Variants in SF3B1 observed in about 807,000 individuals in gnomAD.
The protein encoded by SF3B1 is pre-mRNA processing 10.
SF3B1 carries 12 observed loss-of-function variants against 153.8 expected under a neutral mutation model. The ratio of observed to expected loss-of-function variants is 0.08; its 90% CI spans 0.05 to 0.13. The LOEUF is 0.13. SF3B1 is among the 10% of genes least tolerant of loss of function. The pLI is 1.00. For missense variants in SF3B1, 513 were observed against 1,606.1 expected (o/e 0.32, Z 11.63); for synonymous variants, 498 against 525.2 (o/e 0.95, Z 0.71).
At chr2:197,428,683 C>G (rs1331428341) in intron 1 of SF3B1, among the ~76,000 whole-genome samples, 1 of 152,148 alleles carries the variant, frequency 6.6e-6, no homozygotes, top group Non-Finnish European at 1.5e-5. Flanking sequence ...CACTTGAGAT[C>G]AGGAGTTCAA....
chr2:197,394,472 T>C (rs1420568843), intron 23 of SF3B1, among the ~76,000 whole-genome samples: 4 of 152,222 alleles, frequency 2.6e-5, no homozygotes, highest in East Asian at 1.9e-4. Flanking sequence ...AATAATTTTT[T>C]CAAACCTACA....
At chr2:197,396,504 T>C (rs1295623370) in intron 22 of SF3B1, among the ~76,000 whole-genome samples, 176 bp from the exon 23 acceptor site, 3 of 152,234 alleles carry the variant, frequency 2.0e-5, no homozygotes, top group Admixed American at 1.3e-4. Flanking sequence ...AAAAATTTCA[T>C]ATAAATTAAA....
At chr2:197,405,009 A>G (rs746055563) in intron 11 of SF3B1, 67 bp downstream of exon 11, 1 of 1,161,498 alleles carries the variant, frequency 8.6e-7, no homozygotes. Flanking sequence ...TCTCTACAAA[A>G]ACTACAAATT....
intron 1 of SF3B1, among the ~76,000 whole-genome samples, chr2:197,430,582 C>T (rs1240292685): frequency 6.6e-6 from 1 of 152,150 alleles, no homozygotes; most frequent in African/African-American, 2.4e-5. Context: ...GGCTCCCAAG[C>T]AGGTGGGATT....
chr2:197,411,082 C>T (rs899896932), intron 6 of SF3B1, among the ~76,000 whole-genome samples: 1 of 152,140 alleles, frequency 6.6e-6, no homozygotes, highest in Non-Finnish European at 1.5e-5. Context: ...AGACTACATA[C>T]AGGCGCACAC....
intron 4 of SF3B1, chr2:197,419,650 G>A (rs1257809151): frequency 4.5e-6 from 1 of 223,352 alleles, no homozygotes; most frequent in Non-Finnish European, 8.9e-6. Flanking sequence ...ACTGCTGTAG[G>A]AAAGAAATTA....
chr2:197,406,188 G>A (rs1054308113), intron 9 of SF3B1, among the ~76,000 whole-genome samples: 1 of 149,250 alleles, frequency 6.7e-6, no homozygotes, highest in Non-Finnish European at 1.5e-5. Flanking sequence ...AGGAACGCTT[G>A]AGCCCAGGAG....
intron 23 of SF3B1, among the ~76,000 whole-genome samples, chr2:197,393,752 T>C (rs1286873842): frequency 6.6e-6 from 1 of 152,070 alleles, no homozygotes; most frequent in Non-Finnish European, 1.5e-5. Flanking sequence ...TGCCTGGCCA[T>C]CTAATTAACT....
intron 22 of SF3B1, among the ~76,000 whole-genome samples, chr2:197,397,023 A>C (rs183820503): frequency 2.4e-4 from 37 of 152,266 alleles, no homozygotes; most frequent in South Asian, 8.3e-4. Context: ...ACATTTTCTT[A>C]AGCCACATGG....
At position 197,401,645 on chromosome 2, in the gene SF3B1, A is replaced by T. The variant is rs928633102; in HGVS notation, c.2370+97T>A. 1 of 1,476,388 alleles carries T rather than the reference A, an allele frequency of 6.8e-7. No individual in the cohort carries two copies. The highest frequency in any genetic ancestry group is 9.3e-7 in the Non-Finnish European group (1 of 1,078,358). 91.5% of individuals were successfully genotyped at this position (1,476,388 alleles called of 1,614,324 possible). A position where few individuals can be genotyped will look rare whatever the true frequency, so the allele number is the denominator to read the frequency against. ...AAACAAATCAAACAGTATTCGTGTA[A>T]CATACAGTTTTTTTTGTTGATTTTT... is the stretch of plus-strand genomic sequence containing the variant. On this transcript the variant is annotated intron_variant, in intron 16 of 24. Coordinates refer to ENST00000335508, the MANE Select transcript of SF3B1 (RefSeq NM_012433.4). This position sits in a 1 kb window ranked among gnomAD's most constrained non-coding sequence, Gnocchi z 4.2.
chr2:197,406,118 A>G (rs954372906), intron 9 of SF3B1, among the ~76,000 whole-genome samples: 3 of 149,128 alleles, frequency 2.0e-5, no homozygotes, highest in Non-Finnish European at 3.0e-5. Context: ...ACAGACTTCA[A>G]AAAAAAAAAA....
At chr2:197,418,932 T>G (rs1446450964) in intron 4 of SF3B1, 1 of 1,601,600 alleles carries the variant, frequency 6.2e-7, no homozygotes, top group Admixed American at 1.7e-5. Context: ...AGTTCTGACT[T>G]CAAGCAGCAG....
chr2:197,412,296 G>A (rs1290659819), intron 6 of SF3B1, among the ~76,000 whole-genome samples: 1 of 151,768 alleles, frequency 6.6e-6, no homozygotes, highest in Non-Finnish European at 1.5e-5. Context: ...GGGTACAGTT[G>A]TATTAAATGA....
intron 1 of SF3B1, among the ~76,000 whole-genome samples, chr2:197,426,456 C>A (rs1444911232): frequency 9.9e-5 from 15 of 152,086 alleles, no homozygotes; most frequent in Admixed American, 9.8e-4. Flanking sequence ...CCACCACGCC[C>A]AGCTTCAGGC....
At chr2:197,428,115 G>T (rs903243036) in intron 1 of SF3B1, among the ~76,000 whole-genome samples, 1 of 151,982 alleles carries the variant, frequency 6.6e-6, no homozygotes, top group Non-Finnish European at 1.5e-5. Flanking sequence ...CAAGTTCAAG[G>T]CCAGCCTAAG....
At chr2:197,426,078 C>T (rs2106018752) in intron 1 of SF3B1, among the ~76,000 whole-genome samples, 1 of 151,658 alleles carries the variant, frequency 6.6e-6, no homozygotes, top group African/African-American at 2.4e-5. Flanking sequence ...GATCGGATCT[C>T]AAAATTATTA....
intron 21 of SF3B1, 113 bp downstream of exon 21, chr2:197,398,348 C>T (rs767424672): frequency 6.3e-5 from 74 of 1,165,426 alleles, no homozygotes; most frequent in Non-Finnish European, 9.4e-5. Context: ...ACTGGATAGC[C>T]TAATCTTTTA....
intron 24 of SF3B1, 60 bp downstream of exon 24, chr2:197,392,912 A>C (rs2084828758): frequency 1.0e-6 from 1 of 973,938 alleles, no homozygotes; most frequent in African/African-American, 1.9e-5. Flanking sequence ...AGTATCCCAG[A>C]ACTTAAAGTA....
At chr2:197,403,160 C>A in intron 12 of SF3B1, 125 bp from the exon 13 acceptor site, 3 of 726,288 alleles carry the variant, frequency 4.1e-6, no homozygotes, top group Non-Finnish European at 6.9e-6. Flanking sequence ...AAGGGACGAA[C>A]TGTTTAAGAA....
Sources: gnomAD v4.1 joint callset for allele counts (sites outside exome capture counted in the v4.1 genomes callset) on GRCh38, gnomAD v4.1.1 for gene constraint, Gnocchi (gnomAD v3.1) non-coding constraint, MANE v1.5 for transcripts, NCBI Gene and HGNC (gene_info 2026-07-23, HGNC 2026-07-21) for gene names.